The following TENM3 variants were observed in gnomAD, a reference collection of about 807,000 sequenced individuals.
TENM3 encodes teneurin transmembrane protein 3, also known as teneurin-3.
TENM3 carries 63 observed loss-of-function variants against 255.1 expected under a neutral mutation model. That is an observed-to-expected ratio of 0.25 (90% CI 0.20 to 0.30). TENM3 has a LOEUF of 0.30. TENM3 is among the 10% of genes least tolerant of loss of function. The pLI, the probability that TENM3 is intolerant of heterozygous loss-of-function variation, is 1.00. For missense variants in TENM3, 2,929 were observed against 3,461.1 expected, an observed-to-expected ratio of 0.85 and a Z score of 3.86; for synonymous variants, 1,306 against 1,322.3, an observed-to-expected ratio of 0.99 and a Z score of 0.27.
the TENM3 span, among the ~76,000 whole-genome samples, chr4:182,100,826 TATATATATATATACTC>T: frequency 2.0e-3 from 15 of 7,426 alleles, 3 homozygotes; most frequent in South Asian, 0.021. Context: ...TATACACATA[TATATATATATATACTC>T]ATATATATAT....
intron 13 of TENM3, among the ~76,000 whole-genome samples, chr4:182,728,214 A>G (rs1760387526): frequency 6.6e-6 from 1 of 152,162 alleles, no homozygotes; most frequent in African/African-American, 2.4e-5. Flanking sequence ...TGTGTTTGCT[A>G]CACTTCATAA....
chr4:182,350,935 T>C lies in TENM3; in HGVS notation c.511+4006T>C, dbSNP rs548624236. On this transcript the variant is annotated intron_variant, in intron 3 of 27. Coordinates refer to ENST00000511685, the MANE Select transcript of TENM3 (RefSeq NM_001080477.4). ...CTTGACCTCGTGATCTGCCCGCCTC[T>C]GCCTCCCAAAGTGCTGGGATTACAG... Among the ~76,000 whole-genome samples the C allele has an allele frequency of 2.0e-5, 3 of 152,060 alleles. No individual in the cohort carries two copies. In the South Asian group the frequency reaches 6.2e-4, roughly 32 times the overall value.
At chr4:181,557,573 T>C in the TENM3 span, among the ~76,000 whole-genome samples, 1 of 152,176 alleles carries the variant, frequency 6.6e-6, no homozygotes, top group Admixed American at 6.6e-5. Context: ...ATTGCTCAGG[T>C]TGGAGTGCAG....
upstream of TENM3, among the ~76,000 whole-genome samples, chr4:182,140,969 A>G: frequency 6.7e-6 from 1 of 149,564 alleles, no homozygotes; most frequent in African/African-American, 2.5e-5. Flanking sequence ...ATGAATCCAG[A>G]GGTTCGGCCC....
chr4:182,434,342 T>A (rs569058363), intron 3 of TENM3, among the ~76,000 whole-genome samples: 1 of 152,232 alleles, frequency 6.6e-6, no homozygotes, highest in African/African-American at 2.4e-5. Context: ...AACTTTATAG[T>A]TGTACTTCAT....
chr4:181,938,036 C>G, the TENM3 span, among the ~76,000 whole-genome samples: 1 of 152,158 alleles, frequency 6.6e-6, no homozygotes, highest in Non-Finnish European at 1.5e-5. Flanking sequence ...CACCCCTTGC[C>G]GATTCTCAGT....
the TENM3 span, among the ~76,000 whole-genome samples, chr4:182,018,837 A>T: frequency 6.6e-6 from 1 of 152,122 alleles, no homozygotes; most frequent in Non-Finnish European, 1.5e-5. Context: ...ACCTCATCTG[A>T]TTCTATAGTA....
chr4:182,694,875 T>C (rs529098968), intron 12 of TENM3, among the ~76,000 whole-genome samples: 6 of 152,346 alleles, frequency 3.9e-5, no homozygotes, highest in Admixed American at 6.5e-5. Flanking sequence ...GGTGTTCTAA[T>C]TCTTATCTCA....
At chr4:182,520,236 G>A (rs1231509949) in intron 3 of TENM3, among the ~76,000 whole-genome samples, 2 of 152,072 alleles carry the variant, frequency 1.3e-5, no homozygotes, top group East Asian at 3.9e-4. Flanking sequence ...GGTTGAGCAA[G>A]GTCATAAGAT....
At chr4:181,603,070 T>C in the TENM3 span, among the ~76,000 whole-genome samples, 4 of 152,124 alleles carry the variant, frequency 2.6e-5, no homozygotes, top group Non-Finnish European at 5.9e-5. Context: ...TCCAAACGTT[T>C]ATTAGGGATG....
intron 2 of TENM3, among the ~76,000 whole-genome samples, chr4:182,330,170 A>T (rs1401760533): frequency 6.6e-6 from 1 of 152,214 alleles, no homozygotes; most frequent in Non-Finnish European, 1.5e-5. Context: ...AGGCCCCTAT[A>T]ACAAAAGACA....
rs1206841675 is a variant in TENM3 at position 182,387,415 on chromosome 4, G to C, written c.511+40486G>C. On this transcript the variant is annotated intron_variant, in intron 3 of 27. Coordinates refer to ENST00000511685, the MANE Select transcript of TENM3 (RefSeq NM_001080477.4). ...TGTATCTAGCTCAGGGATTGTAAACGCACCAATCAGCGCCCTGACAAAATA... is the reference window on the plus strand; with the variant it reads ...TGTATCTAGCTCAGGGATTGTAAACCCACCAATCAGCGCCCTGACAAAATA... Among the ~76,000 whole-genome samples, 14 of 152,082 alleles carry C rather than the reference G, an allele frequency of 9.2e-5. 1 individual carries two copies.
In TENM3 at chr4:182,713,808, T is replaced by A. The variant is rs530461892; in HGVS notation, c.2222-279T>A. On this transcript the variant is annotated intron_variant, in intron 12 of 27. Transcript: ENST00000511685. Reference sequence around the variant, plus strand: ...TTGTTGCTTGGCTAAAGGGAAAAAATTTAAGTTAATTTTGTCTGGCCTGCA... The same window carrying A: ...TTGTTGCTTGGCTAAAGGGAAAAAAATTAAGTTAATTTTGTCTGGCCTGCA... Among the ~76,000 whole-genome samples, 29 of 152,242 alleles carry A rather than the reference T, an allele frequency of 1.9e-4. No individual in the cohort carries two copies. The South Asian group carries it at 5.2e-3, about 27-fold the overall frequency.
chr4:182,319,718 G>T (rs2675533), intron 1 of TENM3, among the ~76,000 whole-genome samples: 2,334 of 152,258 alleles, frequency 0.015, 28 homozygotes, highest in South Asian at 0.049. Flanking sequence ...ATCTTTAATT[G>T]CTATTACTGT....
the TENM3 span, among the ~76,000 whole-genome samples, chr4:181,494,364 A>C: frequency 6.6e-6 from 1 of 152,134 alleles, no homozygotes; most frequent in African/African-American, 2.4e-5. Context: ...AGCTCACTGC[A>C]ACCTCCGCCT....
At chr4:181,630,151 GT>G in the TENM3 span, among the ~76,000 whole-genome samples, 1 of 152,160 alleles carries the variant, frequency 6.6e-6, no homozygotes, top group Non-Finnish European at 1.5e-5. Flanking sequence ...GTCTCTGATG[GT>G]AGCTTGTATT....
the TENM3 span, among the ~76,000 whole-genome samples, chr4:182,023,185 A>T: frequency 6.6e-6 from 1 of 152,196 alleles, no homozygotes; most frequent in Non-Finnish European, 1.5e-5. Flanking sequence ...TTAAGAAAAC[A>T]TTCCTCTTTT....
At chr4:181,838,615 A>G in the TENM3 span, among the ~76,000 whole-genome samples, 1 of 152,186 alleles carries the variant, frequency 6.6e-6, no homozygotes, top group Non-Finnish European at 1.5e-5. Flanking sequence ...AAGAGTTTCT[A>G]TTCTTTCTCA....
At chr4:182,252,000 T>C (rs993184364) in intron 1 of TENM3, among the ~76,000 whole-genome samples, 2 of 152,034 alleles carry the variant, frequency 1.3e-5, no homozygotes, top group Non-Finnish European at 2.9e-5. Context: ...CTGGCCAACA[T>C]GGTGAAACCC....
Sources: gnomAD v4.1 joint callset for allele counts (sites outside exome capture counted in the v4.1 genomes callset) on GRCh38, gnomAD v4.1.1 for gene constraint, MANE v1.5 for transcripts, NCBI Gene and HGNC (gene_info 2026-07-23, HGNC 2026-07-21) for gene names.